CBR3: variants seen among roughly 807,000 people sequenced by gnomAD.
CBR3 encodes carbonyl reductase 3.
Under a neutral mutation model 11.6 loss-of-function variants are expected in CBR3, and 14 were observed. That is an observed-to-expected ratio of 1.20 (90% confidence interval 0.79 to 1.88). CBR3 has a LOEUF of 1.88. CBR3 is among the 40% of genes most tolerant of loss of function. The pLI, the probability that CBR3 is intolerant of heterozygous loss-of-function variation, is 0.00. For missense variants in CBR3, 308 were observed against 357.3 expected (o/e 0.86, Z 1.11); for synonymous variants, 125 against 145.6 (o/e 0.86, Z 1.02).
At chr21:36,142,197 C>G (rs1005445433) in intron 2 of CBR3, among the ~76,000 whole-genome samples, 2 of 152,044 alleles carry the variant, frequency 1.3e-5, no homozygotes, top group Non-Finnish European at 2.9e-5. Flanking sequence ...CTTTGGGAGA[C>G]CAAGGCGGGC....
chr21:36,137,343 GCAT>G, intron 1 of CBR3: 1 of 155,552 alleles, frequency 6.4e-6, no homozygotes, highest in Non-Finnish European at 1.4e-5. Context: ...GGGTGTGGTG[GCAT>G]GTGCCTGTAA....
At chr21:36,145,994 C>G in intron 2 of CBR3, 82 bp from the exon 3 acceptor site, 1 of 713,634 alleles carries the variant, frequency 1.4e-6, no homozygotes, top group Non-Finnish European at 2.3e-6. Flanking sequence ...TGCACCAAGA[C>G]TCAATCATAT....
chr21:36,137,979 T>A, intron 2 of CBR3, 47 bp downstream of exon 2: 1 of 1,025,156 alleles, frequency 9.8e-7, no homozygotes, highest in South Asian at 1.3e-5. Flanking sequence ...CAGTAAGAAG[T>A]GGGCTACAGG....
At chr21:36,142,894 G>A (rs2065724480) in intron 2 of CBR3, among the ~76,000 whole-genome samples, 1 of 152,160 alleles carries the variant, frequency 6.6e-6, no homozygotes, top group South Asian at 2.1e-4. Flanking sequence ...GGATGAGTGA[G>A]GTGCTAGTTT....
rs558752456 is a variant in CBR3, at chr21:36,135,117, C to T, written c.-76C>T. ...CGCGGCGGCATTGACACTAGCTGGG[C>T]TCCTCGGGGCGCGCCCCAGGTGGTC... is the stretch of plus-strand genomic sequence containing the variant. On this transcript the variant is annotated 5_prime_UTR_variant, in exon 1 of 3. Coordinates refer to ENST00000290354, the MANE Select transcript of CBR3 (RefSeq NM_001236.4). 1 of 1,355,794 alleles carries T rather than the reference C, an allele frequency of 7.4e-7. No homozygotes were observed. The highest frequency in any genetic ancestry group is 1.5e-5 in the African/African-American group (1 of 64,842). 84.0% of individuals were successfully genotyped at this position (1,355,794 alleles called of 1,614,324 possible). A position where few individuals can be genotyped will look rare whatever the true frequency, so the allele number is the denominator to read the frequency against.
At chr21:36,139,903 T>TC (rs2065695633) in intron 2 of CBR3, among the ~76,000 whole-genome samples, 5 of 149,426 alleles carry the variant, frequency 3.3e-5, no homozygotes, top group African/African-American at 1.2e-4. Flanking sequence ...TTTTTTTTTT[T>TC]CTGAGACAGA....
In CBR3 at chr21:36,137,927, CT is replaced by C; in HGVS notation, c.393del (p.His132MetfsTer5). The part of the protein sequence containing the change: ...MCNELLPIMK[P>X]HGRVVNISSL... ...AACGAGTTACTGCCGATAATGAAACCTCATGGTAAGCCCAACGTGTGGACAG... is the reference window on the plus strand; with the variant it reads ...AACGAGTTACTGCCGATAATGAAACCCATGGTAAGCCCAACGTGTGGACAG... On this transcript the variant is annotated frameshift_variant, in exon 2 of 3. Coordinates refer to ENST00000290354, the MANE Select transcript of CBR3 (RefSeq NM_001236.4). LOFTEE classifies it low-confidence loss of function (END_TRUNC). 2 of 1,588,346 alleles carry C rather than the reference CT, an allele frequency of 1.3e-6. No individual in the cohort carries two copies. Among genetic ancestry groups the C allele is most frequent in the Non-Finnish European group, 1.7e-6 (2 of 1,157,072 alleles).
chr21:36,135,660 C>T (rs2123333848), intron 1 of CBR3, 179 bp downstream of exon 1: 3 of 609,944 alleles, frequency 4.9e-6, no homozygotes, highest in African/African-American at 3.9e-5. Flanking sequence ...CGCTGAGCCC[C>T]AGGCGGGCCC....
chr21:36,141,804 G>A (rs952602083), intron 2 of CBR3: 9 of 378,088 alleles, frequency 2.4e-5, no homozygotes, highest in Non-Finnish European at 3.3e-5. Flanking sequence ...TCCCAGAGGT[G>A]TGCCCTCAGA....
At chr21:36,142,436 A>AAAAAAAAAAAAAAAAAAAAC (rs71196989) in intron 2 of CBR3, among the ~76,000 whole-genome samples, 3 of 119,682 alleles carry the variant, frequency 2.5e-5, no homozygotes, top group Non-Finnish European at 3.5e-5. Context: ...CATCTCAAAA[A>AAAAAAAAAAAAAAAAAAAAC]AAAAAAAAAA....
intron 2 of CBR3, among the ~76,000 whole-genome samples, chr21:36,139,903 T>TTTTC (rs780814735): frequency 1.3e-5 from 2 of 149,426 alleles, no homozygotes; most frequent in Non-Finnish European, 3.0e-5. Context: ...TTTTTTTTTT[T>TTTTC]CTGAGACAGA....
At chr21:36,141,080 A>G (rs2065705159) in intron 2 of CBR3, among the ~76,000 whole-genome samples, 1 of 151,192 alleles carries the variant, frequency 6.6e-6, no homozygotes, top group Admixed American at 6.6e-5. Context: ...CCTGAGCAAC[A>G]TATGGAGACC....
At chr21:36,137,779 G>C in intron 1 of CBR3, 46 bp from the exon 2 acceptor site, 1 of 1,110,546 alleles carries the variant, frequency 9.0e-7, no homozygotes, top group Non-Finnish European at 1.4e-6. Flanking sequence ...GTGAGTTTCA[G>C]GGGGAAAAAT....
intron 2 of CBR3, among the ~76,000 whole-genome samples, chr21:36,139,798 A>G (rs1196345880): frequency 6.6e-6 from 1 of 151,020 alleles, no homozygotes; most frequent in Non-Finnish European, 1.5e-5. Flanking sequence ...ACTTGAGCCC[A>G]CGAGTTTAAG....
At position 36,137,804 on chromosome 21, in the gene CBR3, GTTTC is replaced by G. The variant is rs774072534; in HGVS notation, c.290-15_290-12del. On this transcript the variant is annotated splice_polypyrimidine_tract_variant and intron_variant, in intron 1 of 2. Coordinates refer to ENST00000290354, the MANE Select transcript of CBR3 (RefSeq NM_001236.4). ...GGGGGAAAAATATGACTTTCTTTTT[GTTTC>G]TTTCTCTTTTTGAAAGGTGATGATC... is the stretch of plus-strand genomic sequence containing the variant. 3.0e-5 allele frequency: 42 copies of G among 1,407,390 alleles called. No individual in the cohort carries two copies. The highest frequency in any genetic ancestry group is 3.0e-4 in the East Asian group (13 of 43,862). The allele number at this position is 1,407,390 out of a possible 1,614,324, so 87.2% of individuals were successfully genotyped here.
intron 2 of CBR3, among the ~76,000 whole-genome samples, chr21:36,144,057 C>G (rs1330270873): frequency 6.6e-6 from 1 of 151,962 alleles, no homozygotes; most frequent in African/African-American, 2.4e-5. Flanking sequence ...ATTGGGTGTG[C>G]CTAGGAAATT....
At chr21:36,139,382 C>CTTTTTTTTTTTTTTTTTTTTTTTTT in intron 2 of CBR3, among the ~76,000 whole-genome samples, 1 of 126,684 alleles carries the variant, frequency 7.9e-6, no homozygotes, top group Non-Finnish European at 1.6e-5. Context: ...CTTGCTTTTT[C>CTTTTTTTTTTTTTTTTTTTTTTTTT]TTTTTTTTTT....
chr21:36,136,796 G>A (rs780543782), intron 1 of CBR3, among the ~76,000 whole-genome samples: 1 of 152,080 alleles, frequency 6.6e-6, no homozygotes, highest in South Asian at 2.1e-4. Flanking sequence ...GGGAGGCTGA[G>A]GCAGGCAGAT....
intron 2 of CBR3, among the ~76,000 whole-genome samples, chr21:36,144,313 G>T (rs1313696783): frequency 6.6e-6 from 1 of 152,082 alleles, no homozygotes; most frequent in South Asian, 2.1e-4. Flanking sequence ...ACAAAAATTA[G>T]CTGGGCATGG....
Sources: gnomAD v4.1 joint callset for allele counts (sites outside exome capture counted in the v4.1 genomes callset) on GRCh38, gnomAD v4.1.1 for gene constraint, MANE v1.5 for transcripts, NCBI Gene and HGNC (gene_info 2026-07-23, HGNC 2026-07-21) for gene names.